RBPJ: variants seen among roughly 807,000 people sequenced by gnomAD.
The protein encoded by RBPJ is recombining binding protein suppressor of hairless.
In RBPJ, 9 loss-of-function variants were observed where a neutral mutation model predicts 67.8. The observed-to-expected ratio is 0.13, with a 90% CI of 0.08 to 0.23. The LOEUF (loss-of-function observed/expected upper bound fraction) is 0.23. RBPJ is among the 10% of genes least tolerant of loss of function. The probability of loss-of-function intolerance (pLI) is 1.00; values close to 1 mark genes in which losing one functional copy is unlikely to be tolerated. For missense variants in RBPJ, 305 were observed against 595.6 expected (o/e 0.51, Z 5.08); for synonymous variants, 198 against 203.3 (o/e 0.97, Z 0.22).
intron 1 of RBPJ, among the ~76,000 whole-genome samples, chr4:26,312,154 C>T (rs1722452085): frequency 6.7e-6 from 1 of 150,146 alleles, no homozygotes; most frequent in African/African-American, 2.4e-5. Context: ...TTTTTTGAGA[C>T]AGAGTCTCGC....
the RBPJ span, among the ~76,000 whole-genome samples, chr4:26,152,666 C>A: frequency 6.6e-6 from 1 of 152,214 alleles, no homozygotes; most frequent in African/African-American, 2.4e-5. Flanking sequence ...TTGTAAGGAG[C>A]AGATCCAGGA....
At chr4:26,120,953 T>A in the RBPJ span, among the ~76,000 whole-genome samples, 1 of 105,034 alleles carries the variant, frequency 9.5e-6, no homozygotes, top group South Asian at 3.1e-4. Flanking sequence ...GAGAGAGAGA[T>A]GAAGGGGGGA....
intron 2 of RBPJ, among the ~76,000 whole-genome samples, chr4:26,398,758 C>T (rs1577610276): frequency 6.6e-6 from 1 of 152,146 alleles, no homozygotes; most frequent in African/African-American, 2.4e-5. Context: ...AGACTACAGG[C>T]GTCTGCCACC....
At position 26,292,444 on chromosome 4, in the gene RBPJ, G is replaced by A. The variant is rs181279580; in HGVS notation, c.-166-70002G>A. 7.9e-4 allele frequency among the ~76,000 whole-genome samples: 118 copies of A among 150,106 alleles called. 2 individuals carry two copies. Among genetic ancestry groups the A allele is most frequent in the African/African-American group, 2.8e-3 (116 of 40,778 alleles). On this transcript the variant is annotated intron_variant, in intron 1 of 4. Coordinates refer to the RBPJ transcript ENST00000512351. ...AATAATATATATATTTTTATGAGAT[G>A]GAGTCTAGCTCTGTTGCCCAGGCTG...
chr4:26,289,366 C>G, intron 1 of RBPJ, among the ~76,000 whole-genome samples: 1 of 104,830 alleles, frequency 9.5e-6, no homozygotes, highest in East Asian at 2.9e-4. Flanking sequence ...GCCTCAGCGA[C>G]AGAGTGAGAC....
At chr4:26,258,929 G>A (rs1327347424) in intron 1 of RBPJ, among the ~76,000 whole-genome samples, 1 of 151,990 alleles carries the variant, frequency 6.6e-6, no homozygotes, top group Non-Finnish European at 1.5e-5. Flanking sequence ...TCAGCCTCCT[G>A]AGTAGCTGGG....
intron 3 of RBPJ, among the ~76,000 whole-genome samples, chr4:26,411,951 C>CAA (rs759600636): frequency 8.3e-6 from 1 of 120,854 alleles, no homozygotes; most frequent in Non-Finnish European, 1.8e-5. Context: ...ACTAAAAATA[C>CAA]AAAAAAAAAA....
At chr4:26,298,501 G>A (rs979788467) in intron 1 of RBPJ, among the ~76,000 whole-genome samples, 2 of 152,196 alleles carry the variant, frequency 1.3e-5, no homozygotes, top group African/African-American at 4.8e-5. Context: ...GGATCTGCAC[G>A]AGATGGGCAA....
At chr4:26,220,244 A>G (rs1219631097) in intron 1 of RBPJ, among the ~76,000 whole-genome samples, 1 of 152,218 alleles carries the variant, frequency 6.6e-6, no homozygotes, top group Non-Finnish European at 1.5e-5. Context: ...TACCTGGAGC[A>G]TAGAAATTTA....
the RBPJ span, among the ~76,000 whole-genome samples, chr4:26,140,848 A>AATAG: frequency 2.0e-5 from 3 of 151,096 alleles, no homozygotes; most frequent in East Asian, 5.8e-4. Flanking sequence ...TAAATAAATA[A>AATAG]ATAAATAAAT....
At chr4:26,126,604 G>A in the RBPJ span, among the ~76,000 whole-genome samples, 1 of 152,236 alleles carries the variant, frequency 6.6e-6, no homozygotes, top group Non-Finnish European at 1.5e-5. Flanking sequence ...CTAATGCCCT[G>A]CTCATTTTCC....
chr4:26,157,997 C>G, the RBPJ span, among the ~76,000 whole-genome samples: 8 of 152,208 alleles, frequency 5.3e-5, no homozygotes, highest in Admixed American at 1.3e-4. Flanking sequence ...AACTATCTAG[C>G]TGAACCCAGC....
intron 1 of RBPJ, among the ~76,000 whole-genome samples, chr4:26,185,949 G>C (rs1717235732): frequency 6.6e-6 from 1 of 152,130 alleles, no homozygotes; most frequent in Non-Finnish European, 1.5e-5. Flanking sequence ...AGGAGGCTGA[G>C]GTAGGAGAAT....
chr4:26,339,371 T>C (rs1412626983), intron 1 of RBPJ, among the ~76,000 whole-genome samples: 1 of 151,856 alleles, frequency 6.6e-6, no homozygotes, highest in Non-Finnish European at 1.5e-5. Flanking sequence ...CCGGGGTTCA[T>C]GCCTGTAATC....
intron 1 of RBPJ, among the ~76,000 whole-genome samples, chr4:26,173,485 G>T (rs1022068316): frequency 6.6e-6 from 1 of 152,116 alleles, no homozygotes; most frequent in Admixed American, 6.5e-5. Context: ...CTCATAGGTG[G>T]GAGATACAGA....
chr4:26,223,192 T>C (rs113262114), intron 1 of RBPJ, among the ~76,000 whole-genome samples: 246 of 151,512 alleles, frequency 1.6e-3, no homozygotes, highest in African/African-American at 5.6e-3. Context: ...TTAATTAATG[T>C]TTGATGGTGG....
At chr4:26,386,636 A>G (rs1017147344) in intron 2 of RBPJ, among the ~76,000 whole-genome samples, 2 of 152,228 alleles carry the variant, frequency 1.3e-5, no homozygotes, top group Non-Finnish European at 2.9e-5. Context: ...AGTCTTATGT[A>G]GTGAATACAA....
the RBPJ span, among the ~76,000 whole-genome samples, chr4:26,148,910 T>C: frequency 1.3e-5 from 2 of 152,038 alleles, no homozygotes; most frequent in South Asian, 4.2e-4. Flanking sequence ...TGGGAAGACC[T>C]TTCCCCTGAG....
chr4:26,150,783 A>G, the RBPJ span, among the ~76,000 whole-genome samples: 1 of 152,144 alleles, frequency 6.6e-6, no homozygotes. Flanking sequence ...GGGTGAGGGA[A>G]ATGTTTGTAG....
Sources: gnomAD v4.1 joint callset for allele counts (sites outside exome capture counted in the v4.1 genomes callset) on GRCh38, gnomAD v4.1.1 for gene constraint, MANE v1.5 for transcripts, NCBI Gene and HGNC (gene_info 2026-07-23, HGNC 2026-07-21) for gene names.